The following PCCA variants were observed in gnomAD, a reference collection of about 807,000 sequenced individuals.
PCCA encodes the protein propionyl-CoA carboxylase subunit alpha.
A neutral mutation model predicts 101.3 loss-of-function variants in PCCA; 74 were observed. That is an observed-to-expected ratio of 0.73 (90% confidence interval 0.61 to 0.89). PCCA has a LOEUF of 0.89. Ranked by LOEUF, PCCA falls within the 40% of genes least tolerant of loss-of-function variation. The pLI is 0.00. For synonymous variants in PCCA, 294 were observed against 313.6 expected, an observed-to-expected ratio of 0.94 and a Z score of 0.66; for missense variants, 891 against 907.0, an observed-to-expected ratio of 0.98 and a Z score of 0.23.
chr13:100,123,447 T>C (rs2152307491), intron 4 of PCCA, among the ~76,000 whole-genome samples: 1 of 152,304 alleles, frequency 6.6e-6, no homozygotes, highest in Middle Eastern at 3.4e-3. Flanking sequence ...ATCAATAAGG[T>C]AGAAAATACA....
chr13:100,357,276 A>G (rs561596598), intron 18 of PCCA, among the ~76,000 whole-genome samples: 5 of 152,330 alleles, frequency 3.3e-5, no homozygotes, highest in African/African-American at 9.6e-5. Flanking sequence ...TAATGGTATA[A>G]TAGATGTTCA....
chr13:100,281,251 G>A (rs559754484), intron 12 of PCCA, among the ~76,000 whole-genome samples: 10 of 152,228 alleles, frequency 6.6e-5, no homozygotes, highest in Non-Finnish European at 1.5e-4. Context: ...TAAGCTCTGC[G>A]GTAAGGATGA....
At chr13:100,263,284 A>G (rs2062652200) in intron 10 of PCCA, among the ~76,000 whole-genome samples, 1 of 152,234 alleles carries the variant, frequency 6.6e-6, no homozygotes, top group South Asian at 2.1e-4. Flanking sequence ...GTTTTCTAAA[A>G]TAAAACGGGG....
chr13:100,292,603 A>T (rs1047246662), intron 12 of PCCA, among the ~76,000 whole-genome samples: 5 of 152,180 alleles, frequency 3.3e-5, no homozygotes, highest in Admixed American at 3.3e-4. Flanking sequence ...CATTATTATT[A>T]ACATTATTGC....
In PCCA at chr13:100,530,219, G is replaced by T. The variant is rs2153011038; in HGVS notation, c.*53G>T. 7 of 1,337,234 alleles carry T rather than the reference G, an allele frequency of 5.2e-6. No individual in the cohort carries two copies. Among genetic ancestry groups the T allele is most frequent in the Middle Eastern group, 1.8e-4 (1 of 5,574 alleles). 82.8% of individuals were successfully genotyped at this position (1,337,234 alleles called of 1,614,324 possible). ...CAATTTAATTAGCCATTTGCATGAT[G>T]CTTTCACACACAATTGATTCAAGCA... On this transcript the variant is annotated 3_prime_UTR_variant, in exon 24 of 24. Coordinates refer to ENST00000376285, the MANE Select transcript of PCCA (RefSeq NM_000282.4).
intron 22 of PCCA, among the ~76,000 whole-genome samples, chr13:100,521,232 C>T (rs781480267): frequency 3.2e-4 from 48 of 152,222 alleles, no homozygotes; most frequent in Non-Finnish European, 6.2e-4. Context: ...TACTCTTACC[C>T]TTAGCCCCTT....
intron 21 of PCCA, among the ~76,000 whole-genome samples, chr13:100,466,814 C>T (rs948438506): frequency 2.0e-5 from 3 of 152,014 alleles, no homozygotes; most frequent in South Asian, 2.1e-4. Flanking sequence ...GCTGAGATTG[C>T]GCCACTGCAC....
At chr13:100,498,141 T>A (rs1455163862) in intron 21 of PCCA, among the ~76,000 whole-genome samples, 1 of 151,318 alleles carries the variant, frequency 6.6e-6, no homozygotes, top group African/African-American at 2.4e-5. Flanking sequence ...GTGCTGAGAT[T>A]ACAGGCGTGA....
At chr13:100,134,267 T>G (rs2050876354) in intron 4 of PCCA, among the ~76,000 whole-genome samples, 2 of 152,230 alleles carry the variant, frequency 1.3e-5, no homozygotes, top group Non-Finnish European at 2.9e-5. Flanking sequence ...TTCATTCATC[T>G]GTGTCTATTC....
chr13:100,181,770 CTTTTTTTTT>C (rs11329867), intron 6 of PCCA, among the ~76,000 whole-genome samples: 6 of 130,508 alleles, frequency 4.6e-5, no homozygotes, highest in African/African-American at 1.8e-4. Flanking sequence ...TTCTTTTTTT[CTTTTTTTTT>C]TTTTGAGATG....
At chr13:100,253,882 C>G (rs2061911081) in intron 8 of PCCA, among the ~76,000 whole-genome samples, 1 of 147,578 alleles carries the variant, frequency 6.8e-6, no homozygotes, top group South Asian at 2.1e-4. Flanking sequence ...TTAAAGCAGT[C>G]TCTTCTACTA....
intron 21 of PCCA, among the ~76,000 whole-genome samples, chr13:100,475,377 A>G (rs1473222192): frequency 6.6e-6 from 1 of 152,092 alleles, no homozygotes; most frequent in South Asian, 2.1e-4. Flanking sequence ...CTGTCTGTGT[A>G]TAGCTTATTC....
chr13:100,297,188 TAAG>T (rs910782260), intron 12 of PCCA, among the ~76,000 whole-genome samples: 1 of 152,206 alleles, frequency 6.6e-6, no homozygotes, highest in African/African-American at 2.4e-5. Flanking sequence ...TTGGCTTTGT[TAAG>T]GAGGTATCTC....
At chr13:100,167,692 T>C (rs1250354430) in intron 6 of PCCA, among the ~76,000 whole-genome samples, 1 of 152,238 alleles carries the variant, frequency 6.6e-6, no homozygotes, top group Non-Finnish European at 1.5e-5. Flanking sequence ...TTTTTATATG[T>C]GGTGTGAAGT....
chr13:100,417,492 G>A (rs1488147207), intron 19 of PCCA, among the ~76,000 whole-genome samples: 1 of 152,118 alleles, frequency 6.6e-6, no homozygotes, highest in East Asian at 1.9e-4. Context: ...AGATTATTCT[G>A]GCTGTAGTGG....
chr13:100,310,638 T>G (rs762464555), intron 16 of PCCA, among the ~76,000 whole-genome samples: 10 of 152,230 alleles, frequency 6.6e-5, no homozygotes, highest in Non-Finnish European at 1.3e-4. Flanking sequence ...AGTACTCTTT[T>G]GTATTTACAT....
intron 20 of PCCA, among the ~76,000 whole-genome samples, chr13:100,427,111 G>T (rs915864889): frequency 1.3e-5 from 2 of 152,186 alleles, no homozygotes; most frequent in African/African-American, 4.8e-5. Context: ...TAGCTACTTG[G>T]GAGGCCAGGG....
intron 13 of PCCA, 66 bp downstream of exon 13, chr13:100,301,669 C>G (rs536759209): frequency 8.7e-5 from 134 of 1,544,326 alleles, no homozygotes; most frequent in Admixed American, 3.3e-4. Context: ...CTGGTATAGC[C>G]AAACAATGAG....
At chr13:100,315,117 T>A (rs1566920167) in intron 16 of PCCA, among the ~76,000 whole-genome samples, 1 of 152,112 alleles carries the variant, frequency 6.6e-6, no homozygotes, top group Admixed American at 6.6e-5. Context: ...ATAGAAAAAA[T>A]TAGTGACAAA....
Sources: gnomAD v4.1 joint callset for allele counts (sites outside exome capture counted in the v4.1 genomes callset) on GRCh38, gnomAD v4.1.1 for gene constraint, MANE v1.5 for transcripts, NCBI Gene and HGNC (gene_info 2026-07-23, HGNC 2026-07-21) for gene names.